CDHR3: variants seen among roughly 807,000 people sequenced by gnomAD.
CDHR3 encodes the protein cadherin-related family member 3.
A neutral mutation model predicts 86.6 loss-of-function variants in CDHR3; 79 were observed. The ratio of observed to expected loss-of-function variants is 0.91; its 90% CI spans 0.76 to 1.10. The LOEUF (loss-of-function observed/expected upper bound fraction) is 1.10. Ranked by LOEUF, CDHR3 falls within the 50% of genes least tolerant of loss-of-function variation. The pLI is 0.00. For missense variants in CDHR3, 1,081 were observed against 1,077.6 expected (o/e 1.00, Z -0.04); for synonymous variants, 421 against 402.4 (o/e 1.05, Z -0.55).
intron 18 of CDHR3, among the ~76,000 whole-genome samples, chr7:106,032,035 G>A (rs936943497): frequency 5.9e-5 from 9 of 152,194 alleles, no homozygotes; most frequent in African/African-American, 1.9e-4. Context: ...GAATCAGAAA[G>A]TAACGGGTAA....
intron 1 of CDHR3, among the ~76,000 whole-genome samples, chr7:105,969,921 CAG>C (rs1398840021): frequency 6.6e-6 from 1 of 152,094 alleles, no homozygotes; most frequent in African/African-American, 2.4e-5. Flanking sequence ...CCCTGAGAGA[CAG>C]AGTTGACAGG....
At chr7:106,031,353 T>C (rs1838331999) in intron 18 of CDHR3, among the ~76,000 whole-genome samples, 1 of 152,252 alleles carries the variant, frequency 6.6e-6, no homozygotes, top group Admixed American at 6.5e-5. Context: ...AAGGTAGAGC[T>C]GGCCTCCAGA....
At chr7:106,012,227 G>T (rs1459908050) in intron 8 of CDHR3, among the ~76,000 whole-genome samples, 1 of 152,056 alleles carries the variant, frequency 6.6e-6, no homozygotes, top group Admixed American at 6.6e-5. Context: ...ATAAATAAGA[G>T]AAATATATGG....
At chr7:105,987,256 C>T (rs1226985886) in intron 4 of CDHR3, among the ~76,000 whole-genome samples, 1 of 152,092 alleles carries the variant, frequency 6.6e-6, no homozygotes, top group Non-Finnish European at 1.5e-5. Flanking sequence ...CTTGTGGCTT[C>T]TGCAGTGAGT....
In CDHR3 at chr7:106,028,936, C is replaced by CTTTT. The variant is rs1265323072; in HGVS notation, c.2304+357_2304+358insTTTT. ...TTAAATTTTCTTTCTTTCTTTCTTT[C>CTTTT]TTTCTTTCTTTCTTTCTTTCTTTCT... On this transcript the variant is annotated intron_variant, in intron 17 of 18. Transcript: ENST00000317716. 3.3e-3 allele frequency among the ~76,000 whole-genome samples: 337 copies of CTTTT among 102,656 alleles called. 4 individuals carry two copies. The highest frequency in any genetic ancestry group is 0.012 in the African/African-American group (327 of 26,682). 67.3% of individuals were successfully genotyped at this position (102,656 alleles called of 152,430 possible).
intron 1 of CDHR3, 56 bp from the exon 2 acceptor site, chr7:105,974,788 T>G (rs1014488804): frequency 3.5e-6 from 5 of 1,438,386 alleles, no homozygotes; most frequent in Non-Finnish European, 3.9e-6. Flanking sequence ...GTTAAGTCCC[T>G]GTTCCCAGCA....
chr7:106,006,942 C>G (rs1834017866), intron 8 of CDHR3, among the ~76,000 whole-genome samples: 1 of 152,256 alleles, frequency 6.6e-6, no homozygotes, highest in Non-Finnish European at 1.5e-5. Flanking sequence ...CTGCAACAAA[C>G]TTCTGCCTGG....
At chr7:106,029,931 A>G (rs927023866) in intron 17 of CDHR3, among the ~76,000 whole-genome samples, 2 of 152,220 alleles carry the variant, frequency 1.3e-5, no homozygotes, top group Non-Finnish European at 2.9e-5. Flanking sequence ...ATAAATACCT[A>G]TGACCACAAA....
rs2115944265 is a variant in CDHR3, at chr7:106,033,905, C to A, written c.*1208C>A. On this transcript the variant is annotated 3_prime_UTR_variant, in exon 19 of 19. Transcript: ENST00000317716. ...CAAAGTGGTGGCTCTGATTCACATT[C>A]CAGCAGCAAACACTGAGAGTTGCAA... 6.6e-6 allele frequency: 1 copy of A among 152,328 alleles called. No homozygotes were observed. Among genetic ancestry groups the A allele is most frequent in the East Asian group, 1.9e-4 (1 of 5,184 alleles). The allele number at this position is 152,328 out of a possible 1,614,324, so 9.4% of individuals were successfully genotyped here.
chr7:105,983,712 C>T (rs936664923), intron 3 of CDHR3, among the ~76,000 whole-genome samples: 2 of 152,188 alleles, frequency 1.3e-5, no homozygotes, highest in African/African-American at 4.8e-5. Context: ...CCTACTTATT[C>T]TATTTATCTC....
intron 1 of CDHR3, among the ~76,000 whole-genome samples, chr7:105,968,662 G>A (rs1400292074): frequency 6.6e-6 from 1 of 152,094 alleles, no homozygotes. Flanking sequence ...GCCTGGCCGA[G>A]CATATGCATT....
At position 106,024,489 on chromosome 7, in the gene CDHR3, T is replaced by C. The variant is rs201969268; in HGVS notation, c.2185T>C (p.Tyr729His). The change falls in exon 15 of 19, where the codon TAC becomes CAC. Residue 729 changes from tyrosine to histidine, a missense_variant. Physicochemically the swap from Tyr to His is moderately conservative, Grantham distance 83. Coordinates refer to ENST00000317716, the MANE Select transcript of CDHR3 (RefSeq NM_152750.5). The stretch of plus-strand genomic sequence containing the variant: ...CATATTGCTTCTGGGTCTCCTCGTG[T>C]ACCTGGTCGTCCTATTGGCCAAAGC... ...GSILLLGLLV[Y>H]LVVLLAKAIH... The C allele has an allele frequency of 2.9e-4, 468 of 1,614,062 alleles. 4 individuals carry two copies. Among genetic ancestry groups the C allele is most frequent in the Non-Finnish European group, 4.2e-5 (50 of 1,179,894 alleles).
chr7:105,995,405 G>A (rs950004874), intron 5 of CDHR3, among the ~76,000 whole-genome samples: 1 of 152,204 alleles, frequency 6.6e-6, no homozygotes, highest in African/African-American at 2.4e-5. Context: ...TAATAAACCA[G>A]ACCAAGGACG....
chr7:106,004,286 C>T (rs1585712564), intron 7 of CDHR3, among the ~76,000 whole-genome samples: 2 of 152,228 alleles, frequency 1.3e-5, no homozygotes, highest in East Asian at 3.8e-4. Context: ...CTCTGAAGTA[C>T]AGTGTGAAAA....
intron 3 of CDHR3, among the ~76,000 whole-genome samples, chr7:105,983,884 A>G (rs537433548): frequency 2.6e-5 from 4 of 152,056 alleles, no homozygotes; most frequent in East Asian, 3.9e-4. Flanking sequence ...TTACTTCCCA[A>G]CTCTCTGCCC....
At chr7:105,998,073 G>C (rs970892603) in intron 6 of CDHR3, among the ~76,000 whole-genome samples, 2 of 152,156 alleles carry the variant, frequency 1.3e-5, no homozygotes, top group Non-Finnish European at 2.9e-5. Flanking sequence ...GGCTCAGGCA[G>C]TCAATGAGGG....
chr7:106,006,376 A>G (rs139395835), intron 8 of CDHR3, among the ~76,000 whole-genome samples: 2,502 of 152,288 alleles, frequency 0.016, 74 homozygotes, highest in African/African-American at 0.056. Flanking sequence ...TCATTTCAGC[A>G]TTAACTCAAA....
chr7:105,993,826 A>G (rs1277048588), intron 4 of CDHR3, among the ~76,000 whole-genome samples: 1 of 152,112 alleles, frequency 6.6e-6, no homozygotes, highest in East Asian at 1.9e-4. Context: ...TGGCACGGGC[A>G]TGGTCTTCCT....
intron 6 of CDHR3, among the ~76,000 whole-genome samples, chr7:106,001,113 A>G (rs1472742053): frequency 6.6e-6 from 1 of 152,200 alleles, no homozygotes; most frequent in Non-Finnish European, 1.5e-5. Context: ...AAACGTGGGA[A>G]AATGAGAAAA....
Sources: allele counts gnomAD v4.1 joint callset (sites outside exome capture counted in the v4.1 genomes callset), GRCh38; gene constraint gnomAD v4.1.1; transcripts MANE v1.5; gene names NCBI Gene and HGNC (gene_info 2026-07-23, HGNC 2026-07-21).